Variants in PI4KA observed in about 807,000 individuals in gnomAD.
The protein encoded by PI4KA is PI4-kinase alpha.
PI4KA carries 122 observed loss-of-function variants against 271.4 expected under a neutral mutation model. That is an observed-to-expected ratio of 0.45 (90% CI 0.39 to 0.52). PI4KA has a LOEUF of 0.52. Among genes scored for constraint, PI4KA ranks in the 20% least tolerant of loss-of-function variants. The pLI is 0.00. For synonymous variants in PI4KA, 1,041 were observed against 1,078.8 expected (o/e 0.96, Z 0.69); for missense variants, 1,969 against 2,769.1 (o/e 0.71, Z 6.48).
At chr22:20,815,610 G>C (rs1249758720) in intron 7 of PI4KA, among the ~76,000 whole-genome samples, 1 of 152,156 alleles carries the variant, frequency 6.6e-6, no homozygotes, top group Non-Finnish European at 1.5e-5. Flanking sequence ...TCTGTCTAAA[G>C]AGGACGCAAA....
In PI4KA at chr22:20,765,185, G is replaced by T; in HGVS notation, c.2489C>A (p.Ser830Tyr). ...YEGVCEIATK[S>Y]PLLTFPSKEP... ...CTTGCTGGGAAAGGTGAGCAAGGGGGACTTAGTGGCTATTTCACAGACCCC... is the reference window on the plus strand; with the variant it reads ...CTTGCTGGGAAAGGTGAGCAAGGGGTACTTAGTGGCTATTTCACAGACCCC... Residue 830 changes from serine to tyrosine, a missense_variant, in exon 21 of 55, where the codon TCC becomes TAC. Ser to Tyr is a moderately radical substitution (Grantham distance 144). Around this residue, in one of 13 missense-constraint regions of PI4KA, gnomAD observed 368 missense variants for 544.3 expected, o/e 0.68. Coordinates refer to ENST00000255882, the MANE Select transcript of PI4KA (RefSeq NM_058004.4). The T allele has an allele frequency of 6.2e-7, 1 of 1,613,762 alleles. No homozygotes were observed. Among genetic ancestry groups the T allele is most frequent in the Non-Finnish European group, 8.5e-7 (1 of 1,179,710 alleles).
intron 7 of PI4KA, among the ~76,000 whole-genome samples, chr22:20,817,495 A>C (rs1921960712): frequency 6.6e-6 from 1 of 151,806 alleles, no homozygotes; most frequent in East Asian, 1.9e-4. Context: ...TAGCACTTTG[A>C]GAGACCAAGG....
intron 36 of PI4KA, among the ~76,000 whole-genome samples, chr22:20,730,321 G>A (rs1201337854): frequency 6.6e-6 from 1 of 151,918 alleles, no homozygotes; most frequent in African/African-American, 2.4e-5. Flanking sequence ...GTTGCCCAGG[G>A]TGGAGTGCAA....
chr22:20,846,048 G>C (rs1601612640), intron 1 of PI4KA, among the ~76,000 whole-genome samples: 1 of 151,544 alleles, frequency 6.6e-6, no homozygotes, highest in Non-Finnish European at 1.5e-5. Flanking sequence ...AGGAGGTCAG[G>C]AGATTGAGAC....
chr22:20,713,498 G>A, intron 47 of PI4KA, 108 bp from the exon 48 acceptor site: 1 of 851,314 alleles, frequency 1.2e-6, no homozygotes, highest in Non-Finnish European at 1.9e-6. Context: ...CAGCAATCTT[G>A]GGGATCACTT....
intron 10 of PI4KA, among the ~76,000 whole-genome samples, chr22:20,807,008 T>A (rs1005606846): frequency 2.0e-5 from 3 of 152,172 alleles, no homozygotes; most frequent in African/African-American, 7.2e-5. Context: ...GTGCTGGGAT[T>A]ATACGCATAA....
intron 1 of PI4KA, among the ~76,000 whole-genome samples, chr22:20,852,879 C>T (rs1601625438): frequency 6.6e-6 from 1 of 152,204 alleles, no homozygotes; most frequent in Non-Finnish European, 1.5e-5. Flanking sequence ...ATTAACTCAT[C>T]TTATGGAGCA....
At chr22:20,804,544 G>C in intron 11 of PI4KA, 144 bp from the exon 12 acceptor site, 2 of 654,502 alleles carry the variant, frequency 3.1e-6, no homozygotes, top group African/African-American at 1.8e-5. Context: ...AGGTCACACA[G>C]TGTGTGACAC....
rs115573064 is a variant in PI4KA, at chr22:20,707,890, G to A, written c.*157C>T. ...CAGTCCATGGCGTTACCAAGGCTGC[G>A]CCACCCACGTGCTGCCCCAGGAGGC... On this transcript the variant is annotated 3_prime_UTR_variant, in exon 55 of 55. Coordinates refer to ENST00000255882, the MANE Select transcript of PI4KA (RefSeq NM_058004.4). 16 of 762,464 alleles carry A rather than the reference G, an allele frequency of 2.1e-5. No individual in the cohort carries two copies. Among genetic ancestry groups the A allele is most frequent in the African/African-American group, 1.4e-4 (8 of 58,504 alleles). The allele number at this position is 762,464 out of a possible 1,614,324, so 47.2% of individuals were successfully genotyped here.
At chr22:20,853,640 G>A (rs1436145430) in intron 1 of PI4KA, among the ~76,000 whole-genome samples, 1 of 152,184 alleles carries the variant, frequency 6.6e-6, no homozygotes, top group Non-Finnish European at 1.5e-5. Context: ...CAATCCTGGG[G>A]GTGGGACCCC....
At chr22:20,857,813 C>G (rs1476584730) in intron 1 of PI4KA, among the ~76,000 whole-genome samples, 1 of 152,212 alleles carries the variant, frequency 6.6e-6, no homozygotes, top group Non-Finnish European at 1.5e-5. Context: ...ACTCTAAAAT[C>G]TGTCTCTTTC....
rs1458706163 is a variant in PI4KA, at chr22:20,712,815, G to A, written c.5572-18C>T. 29 of 1,550,442 alleles carry A rather than the reference G, an allele frequency of 1.9e-5. No homozygotes were observed. The highest frequency in any genetic ancestry group is 6.0e-5 in the South Asian group (5 of 83,980). ...AGCATGTCCTGGGAAGCCGGGAGGC[G>A]CAGGATGCGGTCAGTTGGCGTCCTT... On this transcript the variant is annotated intron_variant, in intron 48 of 54. Coordinates refer to ENST00000255882, the MANE Select transcript of PI4KA (RefSeq NM_058004.4).
rs986227423 is a variant in PI4KA at position 20,711,485 on chromosome 22, C to T, written c.5803-24G>A. ...GCCTGTGCAGAGAGCGCCCTGGGCT[C>T]AAAAAGGCCCTGGGGCCTGTGGGCA... On this transcript the variant is annotated intron_variant, in intron 50 of 54. Coordinates refer to ENST00000255882, the MANE Select transcript of PI4KA (RefSeq NM_058004.4). 23 of 1,298,876 alleles carry T rather than the reference C, an allele frequency of 1.8e-5. No individual in the cohort carries two copies. In the African/African-American group the frequency reaches 2.2e-4, roughly 12 times the overall value. The allele number at this position is 1,298,876 out of a possible 1,614,324, so 80.5% of individuals were successfully genotyped here.
At chr22:20,802,144 T>C (rs751433812) in intron 13 of PI4KA, 39 bp from the exon 14 acceptor site, 27 of 1,587,266 alleles carry the variant, frequency 1.7e-5, no homozygotes, top group Non-Finnish European at 2.3e-5. Flanking sequence ...TAGTTAGGCC[T>C]ATCATTTTCC....
At chr22:20,751,798 A>G in intron 25 of PI4KA, 43 bp from the exon 26 acceptor site, 1 of 1,562,808 alleles carries the variant, frequency 6.4e-7, no homozygotes, top group Non-Finnish European at 8.8e-7. Context: ...CCAAACCTCC[A>G]AGGAAGGTCT....
chr22:20,751,517 G>T (rs576821203), intron 26 of PI4KA, 141 bp from the exon 27 acceptor site: 2 of 929,334 alleles, frequency 2.2e-6, no homozygotes, highest in African/African-American at 3.3e-5. Context: ...AACACCAGGT[G>T]GATTTGGGCC....
chr22:20,779,279 TTC>T (rs755869850), intron 19 of PI4KA: 15 of 1,613,430 alleles, frequency 9.3e-6, no homozygotes, highest in Non-Finnish European at 1.1e-5. Flanking sequence ...TTTCACTGTG[TTC>T]TGTTTTCCCT....
chr22:20,746,161 C>T (rs1053288432), intron 29 of PI4KA, among the ~76,000 whole-genome samples: 5 of 146,844 alleles, frequency 3.4e-5, no homozygotes, highest in African/African-American at 1.3e-4. Context: ...CTCCCGGGTT[C>T]ACACCATTCT....
chr22:20,853,116 G>A (rs547098856), intron 1 of PI4KA, among the ~76,000 whole-genome samples: 1 of 152,140 alleles, frequency 6.6e-6, no homozygotes, highest in East Asian at 1.9e-4. Flanking sequence ...CGACACCTCA[G>A]GATTCTGGCA....
Sources: allele counts gnomAD v4.1 joint callset (sites outside exome capture counted in the v4.1 genomes callset), GRCh38; gene constraint gnomAD v4.1.1; regional missense constraint gnomAD v4.1.1; transcripts MANE v1.5; gene names NCBI Gene and HGNC (gene_info 2026-07-23, HGNC 2026-07-21).